Variants in ZNF462 observed in about 807,000 individuals in gnomAD.
ZNF462 encodes the protein zinc finger PBX1-interacting protein.
Under a neutral mutation model 201.9 loss-of-function variants are expected in ZNF462, and 10 were observed. The observed-to-expected ratio is 0.05, with a 90% CI of 0.03 to 0.08. The LOEUF is 0.08. Ranked by LOEUF, ZNF462 falls within the 10% of genes least tolerant of loss-of-function variation. ZNF462 has a pLI of 1.00. For synonymous variants in ZNF462, 1,227 were observed against 1,193.3 expected (o/e 1.03, Z -0.58); for missense variants, 2,523 against 3,168.3 (o/e 0.80, Z 4.89).
intron 9 of ZNF462, among the ~76,000 whole-genome samples, chr9:106,983,321 G>T (rs547248776): frequency 6.6e-6 from 1 of 152,168 alleles, no homozygotes; most frequent in East Asian, 1.9e-4. Flanking sequence ...TCAGATTACA[G>T]ACTGTCTAAA....
In ZNF462 at chr9:106,885,439, G is replaced by A. The variant is rs1431903455; in HGVS notation, c.-31+22084G>A. ...ACAGAAAGCAGCAGTCATGGCCCAA[G>A]AACCTGTGGTTCTTGGTTGTGTCCT... On this transcript the variant is annotated intron_variant, in intron 1 of 12. Coordinates refer to ENST00000277225, the MANE Select transcript of ZNF462 (RefSeq NM_021224.6). This position sits in a 1 kb window ranked among gnomAD's most constrained non-coding sequence, Gnocchi z 4.1. Among the ~76,000 whole-genome samples, 1 of 152,164 alleles carries A rather than the reference G, an allele frequency of 6.6e-6. No homozygotes were observed. Among genetic ancestry groups the A allele is most frequent in the East Asian group, 1.9e-4 (1 of 5,188 alleles).
intron 1 of ZNF462, among the ~76,000 whole-genome samples, chr9:106,898,588 T>G (rs1828915986): frequency 6.6e-6 from 1 of 152,116 alleles, no homozygotes; most frequent in Non-Finnish European, 1.5e-5. Flanking sequence ...ATTATCAGGC[T>G]TCAAATGGGA....
At chr9:106,875,396 A>G (rs1827785978) in intron 1 of ZNF462, among the ~76,000 whole-genome samples, 2 of 152,334 alleles carry the variant, frequency 1.3e-5, no homozygotes, top group South Asian at 4.1e-4. Context: ...ACCTCAGCAC[A>G]TGAAACCTGT....
Position 106,905,172 on chromosome 9 carries a change from A to C in ZNF462, c.-30-18182A>C, listed in dbSNP as rs1384837186. The stretch of plus-strand genomic sequence containing the variant: ...TATGGATGTGGCTTCCTATGAGCCA[A>C]ACTTCAGTGATTGTTATCTCTCTTC... On this transcript the variant is annotated intron_variant, in intron 1 of 12. Coordinates refer to ENST00000277225, the MANE Select transcript of ZNF462 (RefSeq NM_021224.6). This position sits in a 1 kb window ranked among gnomAD's most constrained non-coding sequence, Gnocchi z 5.9. Among the ~76,000 whole-genome samples, 1 of 152,078 alleles carries C rather than the reference A, an allele frequency of 6.6e-6. No individual in the cohort carries two copies. The highest frequency in any genetic ancestry group is 2.4e-5 in the African/African-American group (1 of 41,388).
At chr9:106,906,549 T>C (rs1351639921) in intron 1 of ZNF462, among the ~76,000 whole-genome samples, 1 of 152,168 alleles carries the variant, frequency 6.6e-6, no homozygotes. Flanking sequence ...TCACTGAATA[T>C]GGATTGTCTG....
In ZNF462 at chr9:106,880,233, C is replaced by T. The variant is rs1207904140; in HGVS notation, c.-31+16878C>T. Among the ~76,000 whole-genome samples the T allele has an allele frequency of 6.6e-6, 1 of 152,198 alleles. No individual in the cohort carries two copies. Among genetic ancestry groups the T allele is most frequent in the East Asian group, 1.9e-4 (1 of 5,206 alleles). On this transcript the variant is annotated intron_variant, in intron 1 of 12. Coordinates refer to ENST00000277225, the MANE Select transcript of ZNF462 (RefSeq NM_021224.6). This position sits in a 1 kb window ranked among gnomAD's most constrained non-coding sequence, Gnocchi z 4.1. The stretch of plus-strand genomic sequence containing the variant: ...TCAGTGGAAGCACTGCAAAGCCTGA[C>T]TCTTCAGATATTCCCGAATGCTGAA...
chr9:106,898,164 A>T (rs1014860311), intron 1 of ZNF462, among the ~76,000 whole-genome samples: 1 of 152,236 alleles, frequency 6.6e-6, no homozygotes, highest in Non-Finnish European at 1.5e-5. Context: ...AAGAACTCCA[A>T]ATAGAGGAAG....
rs1017553589 is a variant in ZNF462, at chr9:106,970,354, A to C, written c.6428-1651A>C. 3.9e-5 allele frequency among the ~76,000 whole-genome samples: 6 copies of C among 152,168 alleles called. No individual in the cohort carries two copies. The East Asian group carries it at 1.2e-3, about 29-fold the overall frequency. ...GAATTGAGGAGGCGGGGAGGAGAAC[A>C]AGAAGGGGAAGATATTTGAGTGTTT... is the stretch of plus-strand genomic sequence containing the variant. On this transcript the variant is annotated intron_variant, in intron 7 of 12. Coordinates refer to ENST00000277225, the MANE Select transcript of ZNF462 (RefSeq NM_021224.6). This position sits in a 1 kb window ranked among gnomAD's most constrained non-coding sequence, Gnocchi z 4.2.
intron 6 of ZNF462, among the ~76,000 whole-genome samples, chr9:106,936,786 A>G (rs995374972): frequency 6.6e-6 from 1 of 152,162 alleles, no homozygotes; most frequent in Non-Finnish European, 1.5e-5. Context: ...CTGGGAAGAG[A>G]TGATTCGGCC....
chr9:106,906,332 C>T (rs1829273509), intron 1 of ZNF462, among the ~76,000 whole-genome samples: 1 of 152,144 alleles, frequency 6.6e-6, no homozygotes, highest in Admixed American at 6.5e-5. Context: ...TGCAGTCAAT[C>T]TGGAGCTAAA....
chr9:106,870,350 T>C lies in ZNF462; in HGVS notation c.-31+6995T>C, dbSNP rs527626624. On this transcript the variant is annotated intron_variant, in intron 1 of 12. Transcript: ENST00000277225. The surrounding 1 kb of genome is among the most constrained non-coding windows in gnomAD (Gnocchi z 4.3). ...GGTATTTTGGTATTGATTTCCTTGC[T>C]TTCATGTGTTTGCTTGTTCAGTTCA... Among the ~76,000 whole-genome samples the C allele has an allele frequency of 2.0e-5, 3 of 152,216 alleles. No individual in the cohort carries two copies. Among genetic ancestry groups the C allele is most frequent in the Non-Finnish European group, 4.4e-5 (3 of 68,038 alleles).
rs757223374 is a variant in ZNF462, at chr9:106,978,015, A to T, written c.6832+3742A>T. Reference sequence around the variant, plus strand: ...CGTTCCTTGACGCTACTTGGCTTATAGCTGCATCACTCTCATGTTTGTCTC... The same window carrying T: ...CGTTCCTTGACGCTACTTGGCTTATTGCTGCATCACTCTCATGTTTGTCTC... On this transcript the variant is annotated intron_variant, in intron 9 of 12. Transcript: ENST00000277225. The surrounding 1 kb of genome is among the most constrained non-coding windows in gnomAD (Gnocchi z 4.1). 1.3e-5 allele frequency among the ~76,000 whole-genome samples: 2 copies of T among 151,552 alleles called. No individual in the cohort carries two copies. The highest frequency in any genetic ancestry group is 2.9e-5 in the Non-Finnish European group (2 of 68,036).
chr9:106,926,988 A>C lies in ZNF462; in HGVS notation c.3076A>C (p.Thr1026Pro), dbSNP rs147262325. 4 of 1,614,144 alleles carry C rather than the reference A, an allele frequency of 2.5e-6. No individual in the cohort carries two copies. The highest frequency in any genetic ancestry group is 3.4e-6 in the Non-Finnish European group (4 of 1,180,020). Residue 1026 changes from threonine to proline, a missense_variant, in exon 3 of 13, where the codon ACT becomes CCT. Transcript: ENST00000277225. The surrounding 1 kb of genome is among the most constrained non-coding windows in gnomAD (Gnocchi z 7.9). ...CENQKDPLVN[T>P]VVVYDCDVCS... ...AAATCAGAAGGACCCTTTGGTCAAC[A>C]CTGTTGTTGTTTATGATTGTGATGT...
Position 106,865,488 on chromosome 9 carries a change from G to T in ZNF462, c.-31+2133G>T, listed in dbSNP as rs73667300. Among the ~76,000 whole-genome samples, 9,154 of 152,154 alleles carry T rather than the reference G, an allele frequency of 0.06. 504 individuals carry two copies. The highest frequency in any genetic ancestry group is 0.15 in the African/African-American group (6,104 of 41,484). The stretch of plus-strand genomic sequence containing the variant: ...TTTCTGCAAATATAAAAAATAATAA[G>T]AATAATCCTGCAAGATCTCAGAGGA... On this transcript the variant is annotated intron_variant, in intron 1 of 12. Coordinates refer to ENST00000277225, the MANE Select transcript of ZNF462 (RefSeq NM_021224.6). This position sits in a 1 kb window ranked among gnomAD's most constrained non-coding sequence, Gnocchi z 4.1.
At chr9:106,942,204 A>C (rs1055950827) in intron 7 of ZNF462, among the ~76,000 whole-genome samples, 2 of 152,210 alleles carry the variant, frequency 1.3e-5, no homozygotes, top group African/African-American at 4.8e-5. Flanking sequence ...TGCAGTGGTC[A>C]AATGCTTGCC....
chr9:106,928,058 G>C lies in ZNF462; in HGVS notation c.4146G>C (p.Trp1382Cys). 5.6e-6 allele frequency: 9 copies of C among 1,614,110 alleles called. No homozygotes were observed. Among genetic ancestry groups the C allele is most frequent in the Non-Finnish European group, 7.6e-6 (9 of 1,180,038 alleles). Residue 1382 changes from tryptophan to cysteine, a missense_variant, in exon 3 of 13, where the codon TGG becomes TGC. Around this residue, in one of 15 missense-constraint regions of ZNF462, gnomAD observed 165 missense variants for 142.6 expected, o/e 1.16. Coordinates refer to ENST00000277225, the MANE Select transcript of ZNF462 (RefSeq NM_021224.6). The surrounding 1 kb of genome is among the most constrained non-coding windows in gnomAD (Gnocchi z 9.3). Reference protein sequence around the residue: ...RDCVFEAVSIWDITNHYQAFH... With the variant: ...RDCVFEAVSICDITNHYQAFH... ...GTGTTTTCGAAGCTGTTTCCATCTG[G>C]GACATCACTAATCACTACCAAGCAT... is the stretch of plus-strand genomic sequence containing the variant.
intron 9 of ZNF462, among the ~76,000 whole-genome samples, chr9:106,983,911 TA>T (rs1827632238): frequency 6.6e-6 from 1 of 152,190 alleles, no homozygotes; most frequent in African/African-American, 2.4e-5. Context: ...ATTCAGGAAT[TA>T]GCAAGCACCT....
chr9:106,967,405 C>T (rs927881907), intron 7 of ZNF462, among the ~76,000 whole-genome samples: 4 of 151,280 alleles, frequency 2.6e-5, no homozygotes, highest in Non-Finnish European at 5.9e-5. Context: ...TTTATAAAGT[C>T]AAATTTCTTG....
intron 10 of ZNF462, among the ~76,000 whole-genome samples, chr9:106,995,318 T>G (rs1828621725): frequency 6.6e-6 from 1 of 152,166 alleles, no homozygotes; most frequent in South Asian, 2.1e-4. Flanking sequence ...TCTATATCCT[T>G]CTGGGTACTC....
Sources: gnomAD v4.1 joint callset for allele counts (sites outside exome capture counted in the v4.1 genomes callset) on GRCh38, gnomAD v4.1.1 for gene constraint, gnomAD v4.1.1 regional missense constraint, Gnocchi (gnomAD v3.1) non-coding constraint, MANE v1.5 for transcripts, NCBI Gene and HGNC (gene_info 2026-07-23, HGNC 2026-07-21) for gene names.